The following FHIT variants were observed in gnomAD, a reference collection of about 807,000 sequenced individuals.
The protein encoded by FHIT is bis(5'-adenosyl)-triphosphatase.
Under a neutral mutation model 17.9 loss-of-function variants are expected in FHIT, and 19 were observed. That is an observed-to-expected ratio of 1.06 (90% CI 0.74 to 1.56). The LOEUF is 1.56. FHIT is among the 40% of genes most tolerant of loss of function. The probability of loss-of-function intolerance (pLI) is 0.00; values close to 1 mark genes in which losing one functional copy is unlikely to be tolerated. For missense variants in FHIT, 248 were observed against 189.2 expected (o/e 1.31, Z -1.82); for synonymous variants, 81 against 69.7 (o/e 1.16, Z -0.81).
In FHIT at chr3:61,011,227, G is replaced by A. The variant is rs373376329; in HGVS notation, c.-111+30820C>T. On this transcript the variant is annotated intron_variant, in intron 3 of 9. Coordinates refer to ENST00000492590, the MANE Select transcript of FHIT (RefSeq NM_002012.4). ...TGTGGAATTCCACAATGTTGAACCT[G>A]AATAGATTCCTATTTATGACAAGTT... Among the ~76,000 whole-genome samples the A allele has an allele frequency of 2.6e-5, 4 of 152,116 alleles. No homozygotes were observed. The East Asian group carries it at 5.8e-4, about 22-fold the overall frequency.
At chr3:60,889,464 C>G (rs545688004) in intron 3 of FHIT, among the ~76,000 whole-genome samples, 12 of 152,338 alleles carry the variant, frequency 7.9e-5, no homozygotes, top group African/African-American at 2.6e-4. Flanking sequence ...ACCACTTTGA[C>G]ATTCATTTAT....
intron 8 of FHIT, among the ~76,000 whole-genome samples, chr3:59,772,843 G>T (rs1464825994): frequency 6.6e-6 from 1 of 152,150 alleles, no homozygotes; most frequent in African/African-American, 2.4e-5. Context: ...GTGGTGGTCA[G>T]CGAATATCGA....
intron 5 of FHIT, among the ~76,000 whole-genome samples, chr3:60,273,776 A>G (rs1257372395): frequency 6.6e-6 from 1 of 152,190 alleles, no homozygotes; most frequent in Non-Finnish European, 1.5e-5. Flanking sequence ...ACGTGAAAAC[A>G]CTATTTCTAT....
chr3:60,281,182 G>C (rs1707432776), intron 5 of FHIT, among the ~76,000 whole-genome samples: 2 of 152,060 alleles, frequency 1.3e-5, no homozygotes, highest in Non-Finnish European at 2.9e-5. Context: ...AAAAAATTCT[G>C]ATGAAAGAAA....
intron 4 of FHIT, among the ~76,000 whole-genome samples, chr3:60,757,413 T>C (rs1314465136): frequency 6.6e-6 from 1 of 152,228 alleles, no homozygotes; most frequent in Non-Finnish European, 1.5e-5. Context: ...TTGTGATAAA[T>C]GCTGTGAAGG....
intron 5 of FHIT, among the ~76,000 whole-genome samples, chr3:60,314,949 G>A (rs1235763095): frequency 2.6e-5 from 4 of 152,098 alleles, no homozygotes; most frequent in Non-Finnish European, 5.9e-5. Flanking sequence ...AATAATAAAA[G>A]AATTCAGCAG....
At chr3:61,060,543 T>A (rs1283819972) in intron 2 of FHIT, among the ~76,000 whole-genome samples, 1 of 152,246 alleles carries the variant, frequency 6.6e-6, no homozygotes, top group Non-Finnish European at 1.5e-5. Context: ...AACTTGCTGC[T>A]GCAGTTTAGC....
chr3:59,892,912 T>A lies in FHIT; in HGVS notation c.348+29434A>T, dbSNP rs141674372. ...CACTGATCCTTGAAAAGCGTTTTCA[T>A]ACTTTATACAAAAAAGATAGGAAAT... is the stretch of plus-strand genomic sequence containing the variant. On this transcript the variant is annotated intron_variant, in intron 8 of 9. Coordinates refer to ENST00000492590, the MANE Select transcript of FHIT (RefSeq NM_002012.4). Among the ~76,000 whole-genome samples, 174 of 152,298 alleles carry A rather than the reference T, an allele frequency of 1.1e-3. 1 individual carries two copies. Among genetic ancestry groups the A allele is most frequent in the African/African-American group, 3.9e-3 (164 of 41,556 alleles).
intron 5 of FHIT, among the ~76,000 whole-genome samples, chr3:60,273,184 G>C (rs1423133632): frequency 6.6e-6 from 1 of 152,282 alleles, no homozygotes; most frequent in South Asian, 2.1e-4. Flanking sequence ...TGAAGATTTA[G>C]AGATTTGGGG....
chr3:60,194,134 G>A (rs1374941974), intron 5 of FHIT, among the ~76,000 whole-genome samples: 1 of 152,016 alleles, frequency 6.6e-6, no homozygotes, highest in Non-Finnish European at 1.5e-5. Flanking sequence ...AATAGCCAAA[G>A]AAATCCTAAA....
At chr3:60,592,486 C>T (rs990308288) in intron 4 of FHIT, among the ~76,000 whole-genome samples, 6 of 152,006 alleles carry the variant, frequency 3.9e-5, no homozygotes, top group Admixed American at 1.3e-4. Flanking sequence ...CCACTGGCAC[C>T]GTGGTCATCT....
intron 5 of FHIT, among the ~76,000 whole-genome samples, chr3:60,166,511 C>T (rs996175263): frequency 1.3e-5 from 2 of 152,156 alleles, no homozygotes; most frequent in Non-Finnish European, 2.9e-5. Flanking sequence ...TACTATCTCA[C>T]TTAATTCTCA....
intron 3 of FHIT, among the ~76,000 whole-genome samples, chr3:60,956,815 T>C (rs1553779053): frequency 6.6e-6 from 1 of 152,230 alleles, no homozygotes; most frequent in African/African-American, 2.4e-5. Flanking sequence ...CAGATTTTCA[T>C]TGAAATTTCT....
intron 8 of FHIT, among the ~76,000 whole-genome samples, chr3:59,858,355 T>G (rs369792614): frequency 1.3e-5 from 2 of 148,782 alleles, no homozygotes; most frequent in African/African-American, 5.0e-5. Context: ...GCCTCCCAAG[T>G]AGCTGGGATT....
intron 5 of FHIT, among the ~76,000 whole-genome samples, chr3:60,294,734 T>G (rs1435435360): frequency 2.0e-5 from 3 of 152,140 alleles, no homozygotes; most frequent in Admixed American, 1.3e-4. Flanking sequence ...CACTCATCTG[T>G]TCTCCATTTC....
At chr3:60,752,282 G>C (rs1395178725) in intron 4 of FHIT, among the ~76,000 whole-genome samples, 1 of 152,160 alleles carries the variant, frequency 6.6e-6, no homozygotes, top group East Asian at 1.9e-4. Flanking sequence ...ACTTCAGGAA[G>C]AACTTACACA....
intron 7 of FHIT, among the ~76,000 whole-genome samples, chr3:59,958,912 C>T (rs964545357): frequency 6.6e-6 from 1 of 152,188 alleles, no homozygotes; most frequent in Non-Finnish European, 1.5e-5. Context: ...AAAGCAGCAA[C>T]CTCTGTCATT....
intron 5 of FHIT, among the ~76,000 whole-genome samples, chr3:60,055,088 C>T (rs757999639): frequency 6.6e-6 from 1 of 152,262 alleles, no homozygotes; most frequent in Non-Finnish European, 1.5e-5. Context: ...AAACTACCCC[C>T]ATTCCAAAGC....
chr3:60,334,063 T>G (rs949124461), intron 5 of FHIT, among the ~76,000 whole-genome samples: 11 of 152,226 alleles, frequency 7.2e-5, no homozygotes, highest in Non-Finnish European at 1.2e-4. Flanking sequence ...AGCATGTGAT[T>G]AAAGCCTTCT....
Sources: gnomAD v4.1 joint callset for allele counts (sites outside exome capture counted in the v4.1 genomes callset) on GRCh38, gnomAD v4.1.1 for gene constraint, MANE v1.5 for transcripts, NCBI Gene and HGNC (gene_info 2026-07-23, HGNC 2026-07-21) for gene names.